The following NCOA3 variants were observed in gnomAD, a reference collection of about 807,000 sequenced individuals.
The protein encoded by NCOA3 is CBP-interacting protein.
NCOA3 carries 51 observed loss-of-function variants against 158.8 expected under a neutral mutation model. The ratio of observed to expected loss-of-function variants is 0.32; its 90% CI spans 0.26 to 0.41. NCOA3 has a LOEUF of 0.41. Among genes scored for constraint, NCOA3 ranks in the 10% least tolerant of loss-of-function variants. The pLI, the probability that NCOA3 is intolerant of heterozygous loss-of-function variation, is 1.00. For missense variants in NCOA3, 1,510 were observed against 1,746.6 expected (o/e 0.86, Z 2.41); for synonymous variants, 537 against 592.4 (o/e 0.91, Z 1.36).
At chr20:47,565,163 T>A (rs901650063) in intron 1 of NCOA3, among the ~76,000 whole-genome samples, 7 of 152,138 alleles carry the variant, frequency 4.6e-5, no homozygotes, top group Non-Finnish European at 1.0e-4. Context: ...GTATTTTTAG[T>A]AGAGACGAGG....
At position 47,627,037 on chromosome 20, in the gene NCOA3, C is replaced by T. The variant is rs148146186; in HGVS notation, c.393C>T (p.Asp131=). ...GTTTCCTATTTGTGGTGAATCGAGA[C>T]GGAAACATTGTATTTGTATCAGAAA... The part of the protein sequence containing the change: ...LDGFLFVVNR[D]GNIVFVSENV... The change falls in exon 6 of 23, where the codon GAC becomes GAT. Residue 131 remains aspartate, a synonymous_variant. Coordinates refer to ENST00000371998, the MANE Select transcript of NCOA3 (RefSeq NM_181659.3). 3.0e-5 allele frequency: 48 copies of T among 1,613,112 alleles called. 1 individual carries two copies. In the South Asian group the frequency reaches 3.5e-4, roughly 12 times the overall value.
At chr20:47,621,915 G>T (rs1319857005) in intron 2 of NCOA3, among the ~76,000 whole-genome samples, 4 of 152,030 alleles carry the variant, frequency 2.6e-5, no homozygotes, top group African/African-American at 9.7e-5. Flanking sequence ...GACCTCAGGT[G>T]ATCCACCTGC....
intron 1 of NCOA3, among the ~76,000 whole-genome samples, chr20:47,518,345 C>T (rs1189152982): frequency 1.4e-5 from 2 of 142,016 alleles, no homozygotes; most frequent in Admixed American, 7.1e-5. Context: ...GACCCTGCCT[C>T]AAAATAAATA....
chr20:47,579,053 A>C (rs541973018), intron 1 of NCOA3, among the ~76,000 whole-genome samples: 4 of 152,284 alleles, frequency 2.6e-5, no homozygotes, highest in African/African-American at 7.2e-5. Flanking sequence ...GCTTTGAGGC[A>C]TATCTTCTCA....
At chr20:47,607,362 T>G (rs2085963726) in intron 2 of NCOA3, among the ~76,000 whole-genome samples, 1 of 152,174 alleles carries the variant, frequency 6.6e-6, no homozygotes, top group South Asian at 2.1e-4. Context: ...AAAGGATGAC[T>G]CAATCACTAG....
chr20:47,512,661 T>A (rs2084166025), intron 1 of NCOA3, among the ~76,000 whole-genome samples: 1 of 150,606 alleles, frequency 6.6e-6, no homozygotes. Flanking sequence ...AAAAAGATGC[T>A]CAACATCAGC....
intron 1 of NCOA3, among the ~76,000 whole-genome samples, chr20:47,552,867 A>T (rs2084944635): frequency 6.6e-6 from 1 of 152,078 alleles, no homozygotes; most frequent in Admixed American, 6.6e-5. Context: ...GAGAAGCATT[A>T]CTGTAAAAGG....
chr20:47,656,813 G>T lies in NCOA3; in HGVS notation c.*3396G>T, dbSNP rs1472547363. The T allele has an allele frequency of 6.6e-6, 1 of 151,684 alleles. No individual in the cohort carries two copies. Among genetic ancestry groups the T allele is most frequent in the African/African-American group, 2.4e-5 (1 of 41,138 alleles). 9.4% of individuals were successfully genotyped at this position (151,684 alleles called of 1,614,324 possible). A position where few individuals can be genotyped will look rare whatever the true frequency, so the allele number is the denominator to read the frequency against. On this transcript the variant is annotated 3_prime_UTR_variant, in exon 23 of 23. Coordinates refer to ENST00000371998, the MANE Select transcript of NCOA3 (RefSeq NM_181659.3). Reference sequence around the variant, plus strand: ...TGAAATGACTTATGGGGGATGGTGAGCTGTGACTGCTTTGCTGACCATTTT... The same window carrying T: ...TGAAATGACTTATGGGGGATGGTGATCTGTGACTGCTTTGCTGACCATTTT...
Position 47,636,282 on chromosome 20 carries a change from G to A in NCOA3, c.1896G>A (p.Arg632=). 6.2e-7 allele frequency: 1 copy of A among 1,614,068 alleles called. No individual in the cohort carries two copies. The highest frequency in any genetic ancestry group is 2.2e-5 in the East Asian group (1 of 44,876). The change falls in exon 12 of 23, where the codon CGG becomes CGA. Residue 632 remains arginine, a synonymous_variant. Transcript: ENST00000371998. ...LQLLTCSSDD[R]GHSSLTNSPL... is the part of the protein sequence containing the mutation. ...TACTTACCTGTTCTTCTGATGACCG[G>A]GGTCATTCCTCCTTGACCAACTCCC... is the stretch of plus-strand genomic sequence containing the variant.
rs1178153471 is a variant in NCOA3 at position 47,627,950 on chromosome 20, A to C, written c.750A>C (p.Ala250=). Residue 250 remains alanine (A), a synonymous_variant, in exon 8 of 23, where the codon GCA becomes GCC. Coordinates refer to ENST00000371998, the MANE Select transcript of NCOA3 (RefSeq NM_181659.3). ...EDLQSCMICV[A]RRITTGERTF... is the part of the protein sequence containing the mutation. ...TGCAATCTTGTATGATCTGTGTGGC[A>C]CGCCGCATTACTACAGGAGAAAGAA... is the stretch of plus-strand genomic sequence containing the variant. The C allele has an allele frequency of 6.2e-7, 1 of 1,613,944 alleles. No homozygotes were observed. Among genetic ancestry groups the C allele is most frequent in the Admixed American group, 1.7e-5 (1 of 60,000 alleles).
At position 47,504,478 on chromosome 20, in the gene NCOA3, CTTTTT is replaced by C. The variant is rs58220390; in HGVS notation, c.-99+2480_-99+2484del. Among the ~76,000 whole-genome samples, 8 of 98,666 alleles carry C rather than the reference CTTTTT, an allele frequency of 8.1e-5. No individual in the cohort carries two copies. In the South Asian group the frequency reaches 1.8e-3, roughly 22 times the overall value. 64.7% of individuals were successfully genotyped at this position (98,666 alleles called of 152,430 possible). On this transcript the variant is annotated intron_variant, in intron 1 of 22. Coordinates refer to ENST00000371998, the MANE Select transcript of NCOA3 (RefSeq NM_181659.3). ...CATTAAAGATAAAAGCTAAGTGTGT[CTTTTT>C]TTTTTTTTTTTTTTTTTTTTAACGA...
chr20:47,569,983 C>T (rs946201151), intron 1 of NCOA3, among the ~76,000 whole-genome samples: 17 of 152,022 alleles, frequency 1.1e-4, no homozygotes, highest in African/African-American at 3.9e-4. Flanking sequence ...GCGCTCCAGC[C>T]TGGTTGACAG....
chr20:47,523,493 ATTAG>A (rs1473900728), intron 1 of NCOA3, among the ~76,000 whole-genome samples: 1 of 152,232 alleles, frequency 6.6e-6, no homozygotes. Context: ...GGGTCCAAAT[ATTAG>A]TACAAGACGT....
At chr20:47,588,911 T>G (rs2085580156) in intron 2 of NCOA3, among the ~76,000 whole-genome samples, 1 of 152,168 alleles carries the variant, frequency 6.6e-6, no homozygotes, top group Admixed American at 6.6e-5. Context: ...TTTTAAAGAC[T>G]GAATTTGGCT....
chr20:47,571,479 G>A (rs373601123), intron 1 of NCOA3, among the ~76,000 whole-genome samples: 4 of 151,712 alleles, frequency 2.6e-5, no homozygotes, highest in South Asian at 2.1e-4. Flanking sequence ...CACCACACCC[G>A]GCTAATTTTT....
intron 1 of NCOA3, among the ~76,000 whole-genome samples, chr20:47,526,596 C>CA (rs1303760258): frequency 1.3e-5 from 2 of 152,170 alleles, no homozygotes; most frequent in African/African-American, 4.8e-5. Context: ...CCGTCTCCAC[C>CA]AAAAAAATAC....
At chr20:47,525,060 C>T (rs1331998653) in intron 1 of NCOA3, among the ~76,000 whole-genome samples, 4 of 147,386 alleles carry the variant, frequency 2.7e-5, no homozygotes, top group African/African-American at 1.0e-4. Flanking sequence ...CTCTGGTTTT[C>T]CTAGGCAGAG....
intron 1 of NCOA3, among the ~76,000 whole-genome samples, chr20:47,520,364 G>C (rs1053850981): frequency 5.3e-5 from 8 of 151,964 alleles, no homozygotes; most frequent in South Asian, 2.1e-4. Context: ...GTCTTTCCCT[G>C]CCTCTGCCAG....
At chr20:47,510,447 AG>A (rs2084102230) in intron 1 of NCOA3, among the ~76,000 whole-genome samples, 1 of 150,336 alleles carries the variant, frequency 6.7e-6, no homozygotes, top group African/African-American at 2.4e-5. Context: ...AAAAAAAAAA[AG>A]TACACGATCA....
Sources: gnomAD v4.1 joint callset for allele counts (sites outside exome capture counted in the v4.1 genomes callset) on GRCh38, gnomAD v4.1.1 for gene constraint, MANE v1.5 for transcripts, NCBI Gene and HGNC (gene_info 2026-07-23, HGNC 2026-07-21) for gene names.